Variants in NKAIN2 observed in about 807,000 individuals in gnomAD.
The protein encoded by NKAIN2 is sodium/potassium transporting ATPase interacting 2, also known as sodium/potassium-transporting ATPase subunit beta-1-interacting protein 2.
In NKAIN2, 14 loss-of-function variants were observed where a neutral mutation model predicts 32.6. The ratio of observed to expected loss-of-function variants is 0.43; its 90% CI spans 0.28 to 0.67. The LOEUF is 0.67. NKAIN2 is among the 30% of genes least tolerant of loss of function. The pLI is 0.17. For missense variants in NKAIN2, 198 were observed against 258.3 expected (o/e 0.77, Z 1.60); for synonymous variants, 80 against 87.2 (o/e 0.92, Z 0.46).
At chr6:124,459,819 T>G (rs1389475754) in intron 3 of NKAIN2, among the ~76,000 whole-genome samples, 1 of 151,818 alleles carries the variant, frequency 6.6e-6, no homozygotes, top group Non-Finnish European at 1.5e-5. Context: ...TGTTTTTTAT[T>G]TTATTAGTAT....
chr6:123,844,864 A>G (rs1775026342), intron 1 of NKAIN2, among the ~76,000 whole-genome samples: 1 of 152,194 alleles, frequency 6.6e-6, no homozygotes, highest in African/African-American at 2.4e-5. Flanking sequence ...ATTATTTCCA[A>G]TTTAGAATGA....
At chr6:123,971,615 C>G (rs1268491374) in intron 1 of NKAIN2, among the ~76,000 whole-genome samples, 1 of 152,030 alleles carries the variant, frequency 6.6e-6, no homozygotes, top group African/African-American at 2.4e-5. Context: ...AAGTTATCTC[C>G]CTTAGGAAAG....
chr6:123,833,659 G>A (rs1376463149), intron 1 of NKAIN2, among the ~76,000 whole-genome samples: 1 of 146,592 alleles, frequency 6.8e-6, no homozygotes, highest in Non-Finnish European at 1.5e-5. Context: ...TTTTATTTTG[G>A]GTTGTTCTTA....
intron 1 of NKAIN2, among the ~76,000 whole-genome samples, chr6:124,134,611 T>G (rs1167725611): frequency 6.6e-6 from 1 of 152,054 alleles, no homozygotes; most frequent in African/African-American, 2.4e-5. Context: ...TTGAACCCAG[T>G]AGGCGGAGGC....
At chr6:124,328,913 A>G (rs892812771) in intron 2 of NKAIN2, among the ~76,000 whole-genome samples, 1 of 152,140 alleles carries the variant, frequency 6.6e-6, no homozygotes, top group African/African-American at 2.4e-5. Context: ...TCCATAATTT[A>G]CACTCCGTGG....
intron 3 of NKAIN2, among the ~76,000 whole-genome samples, chr6:124,616,421 TCTTTTTC>T (rs1782891173): frequency 6.8e-6 from 1 of 146,256 alleles, no homozygotes; most frequent in Non-Finnish European, 1.5e-5. Flanking sequence ...TTTTCTTTTT[TCTTTTTC>T]TTTTCTTTCT....
chr6:124,599,747 C>T (rs1782236953), intron 3 of NKAIN2, among the ~76,000 whole-genome samples: 2 of 152,108 alleles, frequency 1.3e-5, no homozygotes, highest in South Asian at 2.1e-4. Context: ...TCTTTTGCAG[C>T]CCAAAGGAAG....
intron 3 of NKAIN2, among the ~76,000 whole-genome samples, chr6:124,618,439 T>C (rs1782988501): frequency 6.6e-6 from 1 of 152,134 alleles, no homozygotes; most frequent in Non-Finnish European, 1.5e-5. Flanking sequence ...GATTGTGCCA[T>C]TGTACTGCAA....
At chr6:124,108,968 G>A (rs1785245055) in intron 1 of NKAIN2, among the ~76,000 whole-genome samples, 1 of 152,092 alleles carries the variant, frequency 6.6e-6, no homozygotes, top group South Asian at 2.1e-4. Context: ...GAATCAGTAA[G>A]TACTGTATTT....
intron 1 of NKAIN2, among the ~76,000 whole-genome samples, chr6:124,148,127 T>A (rs1425054820): frequency 6.6e-6 from 1 of 152,192 alleles, no homozygotes; most frequent in African/African-American, 2.4e-5. Flanking sequence ...TTCATTTATT[T>A]TTTTTAAACA....
intron 5 of NKAIN2, among the ~76,000 whole-genome samples, chr6:124,816,384 A>C (rs1163316684): frequency 2.6e-5 from 4 of 152,162 alleles, no homozygotes; most frequent in African/African-American, 4.8e-5. Flanking sequence ...AAACCCATAG[A>C]ATGTACAACA....
intron 1 of NKAIN2, among the ~76,000 whole-genome samples, chr6:124,205,504 C>T (rs802228): frequency 0.59 from 89,023 of 151,272 alleles, 27,990 homozygotes; most frequent in South Asian, 0.71. Context: ...AGAAGTATCC[C>T]AATTGTTTGT....
intron 1 of NKAIN2, among the ~76,000 whole-genome samples, chr6:124,261,492 T>C (rs192829733): frequency 1.3e-5 from 2 of 152,316 alleles, no homozygotes; most frequent in Admixed American, 6.5e-5. Flanking sequence ...TAGGTGACTG[T>C]CATAGTCATT....
At chr6:124,783,773 T>C (rs1290165372) in intron 4 of NKAIN2, among the ~76,000 whole-genome samples, 2 of 152,184 alleles carry the variant, frequency 1.3e-5, no homozygotes, top group Non-Finnish European at 2.9e-5. Flanking sequence ...ATTATGTAGA[T>C]GGAATAAGAT....
intron 1 of NKAIN2, among the ~76,000 whole-genome samples, chr6:124,232,492 C>G (rs943096467): frequency 1.3e-5 from 2 of 151,926 alleles, no homozygotes; most frequent in Non-Finnish European, 2.9e-5. Flanking sequence ...TATATAGATT[C>G]GATTGAAAAA....
intron 2 of NKAIN2, among the ~76,000 whole-genome samples, chr6:124,353,119 G>A (rs1172031909): frequency 6.6e-6 from 1 of 152,242 alleles, no homozygotes; most frequent in East Asian, 1.9e-4. Context: ...TGAAAATAAT[G>A]ATTTTCTCCA....
At chr6:124,263,187 G>T (rs1415301546) in intron 1 of NKAIN2, among the ~76,000 whole-genome samples, 5 of 152,074 alleles carry the variant, frequency 3.3e-5, no homozygotes, top group African/African-American at 1.2e-4. Flanking sequence ...TCGTACATTT[G>T]CATATGAAGT....
At chr6:124,211,849 G>T (rs543978950) in intron 1 of NKAIN2, among the ~76,000 whole-genome samples, 13 of 152,080 alleles carry the variant, frequency 8.5e-5, no homozygotes, top group Middle Eastern at 3.4e-3. Context: ...TTTAAATAGT[G>T]CCAATTATAC....
At chr6:124,330,118 C>A (rs915420916) in intron 2 of NKAIN2, among the ~76,000 whole-genome samples, 5 of 152,170 alleles carry the variant, frequency 3.3e-5, no homozygotes, top group Non-Finnish European at 4.4e-5. Flanking sequence ...AATGTGCCAT[C>A]CCAATTCACC....
Sources: gnomAD v4.1 joint callset for allele counts (sites outside exome capture counted in the v4.1 genomes callset) on GRCh38, gnomAD v4.1.1 for gene constraint, MANE v1.5 for transcripts, NCBI Gene and HGNC (gene_info 2026-07-23, HGNC 2026-07-21) for gene names.